The following PLEKHH2 variants were observed in gnomAD, a reference collection of about 807,000 sequenced individuals.
PLEKHH2 encodes the protein pleckstrin homology, MyTH4 and FERM domain containing H2, also known as pleckstrin homology domain-containing family H member 2.
Under a neutral mutation model 187.9 loss-of-function variants are expected in PLEKHH2, and 129 were observed. The observed-to-expected ratio is 0.69, with a 90% CI of 0.59 to 0.79. PLEKHH2 has a LOEUF of 0.79. PLEKHH2 is among the 30% of genes least tolerant of loss of function. PLEKHH2 has a pLI of 0.00. For missense variants in PLEKHH2, 2,076 were observed against 1,751.2 expected (o/e 1.19, Z -3.31); for synonymous variants, 686 against 605.6 (o/e 1.13, Z -1.95).
At chr2:43,757,322 T>G in intron 26 of PLEKHH2, 58 bp downstream of exon 26, 3 of 1,295,556 alleles carry the variant, frequency 2.3e-6, no homozygotes, top group Non-Finnish European at 3.0e-6. Context: ...TTTGGTAATA[T>G]TTTTGTGTTC....
chr2:43,680,202 A>G (rs778920295), intron 3 of PLEKHH2, among the ~76,000 whole-genome samples: 4 of 152,230 alleles, frequency 2.6e-5, no homozygotes, highest in Non-Finnish European at 5.9e-5. Flanking sequence ...ATGGTTAACT[A>G]TAATTTATTG....
intron 1 of PLEKHH2, among the ~76,000 whole-genome samples, chr2:43,641,433 G>T (rs897579860): frequency 6.6e-6 from 1 of 152,020 alleles, no homozygotes; most frequent in African/African-American, 2.4e-5. Context: ...GGCAGCCCAG[G>T]ATGGCTTTGA....
intron 2 of PLEKHH2, among the ~76,000 whole-genome samples, chr2:43,668,092 G>T (rs1038575281): frequency 2.0e-5 from 3 of 152,120 alleles, no homozygotes; most frequent in East Asian, 1.9e-4. Context: ...GAATGCAGTG[G>T]TATGATCTCA....
At chr2:43,744,207 G>C in intron 23 of PLEKHH2, 1 of 1,032,358 alleles carries the variant, frequency 9.7e-7, no homozygotes, top group Non-Finnish European at 1.3e-6. Flanking sequence ...ATTAAAGAGA[G>C]GAAAGGTGTT....
At chr2:43,742,228 T>C (rs754265745) in intron 21 of PLEKHH2, among the ~76,000 whole-genome samples, 2 of 152,022 alleles carry the variant, frequency 1.3e-5, no homozygotes, top group African/African-American at 2.4e-5. Context: ...TCTTGAACTC[T>C]CGACCTCAGG....
intron 2 of PLEKHH2, among the ~76,000 whole-genome samples, chr2:43,659,364 CTTTTT>C (rs1051542983): frequency 6.8e-6 from 1 of 147,214 alleles, no homozygotes; most frequent in African/African-American, 2.5e-5. Flanking sequence ...TGTTTTTCTT[CTTTTT>C]TTTTTCAATT....
At chr2:43,693,960 A>G (rs1668961696) in intron 4 of PLEKHH2, among the ~76,000 whole-genome samples, 1 of 152,102 alleles carries the variant, frequency 6.6e-6, no homozygotes, top group Non-Finnish European at 1.5e-5. Flanking sequence ...ACACATTCTC[A>G]ATAGTTTTGT....
chr2:43,687,423 C>A (rs1668575690), intron 3 of PLEKHH2, among the ~76,000 whole-genome samples: 1 of 152,136 alleles, frequency 6.6e-6, no homozygotes, highest in Non-Finnish European at 1.5e-5. Flanking sequence ...GATTCCATGT[C>A]TTTGCTATTG....
At chr2:43,745,083 G>T (rs1057268120) in intron 23 of PLEKHH2, among the ~76,000 whole-genome samples, 24 of 152,030 alleles carry the variant, frequency 1.6e-4, no homozygotes, top group Non-Finnish European at 3.2e-4. Context: ...GGAGGCCAAG[G>T]CAGGCAGATC....
chr2:43,703,274 A>G (rs1669478399), intron 8 of PLEKHH2, among the ~76,000 whole-genome samples: 1 of 152,208 alleles, frequency 6.6e-6, no homozygotes, highest in African/African-American at 2.4e-5. Flanking sequence ...CCTTTTCTCA[A>G]GGGAGCAGGG....
chr2:43,675,253 G>A, intron 2 of PLEKHH2: 1 of 582,098 alleles, frequency 1.7e-6, no homozygotes, highest in Non-Finnish European at 2.8e-6. Flanking sequence ...TCTTCATACT[G>A]TTTTCTAATA....
Position 43,701,903 on chromosome 2 carries a change from A to G in PLEKHH2, c.1650+1295A>G, listed in dbSNP as rs369384402. Among the ~76,000 whole-genome samples, 393 of 151,924 alleles carry G rather than the reference A, an allele frequency of 2.6e-3. 2 individuals carry two copies. Among genetic ancestry groups the G allele is most frequent in the African/African-American group, 9.0e-3 (373 of 41,428 alleles). On this transcript the variant is annotated intron_variant, in intron 8 of 29. Coordinates refer to ENST00000282406, the MANE Select transcript of PLEKHH2 (RefSeq NM_172069.4). ...CTGCCTTAGCCTCCCAAGTAGCTGG[A>G]ACTACAGACGTTTACCACCACACCT...
chr2:43,683,631 T>C (rs186237328), intron 3 of PLEKHH2, among the ~76,000 whole-genome samples: 4 of 152,288 alleles, frequency 2.6e-5, no homozygotes, highest in Non-Finnish European at 4.4e-5. Context: ...ATACCTATGA[T>C]GTGATTTAAC....
At chr2:43,729,520 A>G in intron 17 of PLEKHH2, 117 bp from the exon 18 acceptor site, 1 of 579,824 alleles carries the variant, frequency 1.7e-6, no homozygotes, top group Non-Finnish European at 2.8e-6. Context: ...TATTATTTAA[A>G]AATTAAAGCA....
intron 2 of PLEKHH2, among the ~76,000 whole-genome samples, chr2:43,651,313 C>G (rs1187056243): frequency 2.6e-5 from 4 of 152,022 alleles, no homozygotes; most frequent in Non-Finnish European, 4.4e-5. Flanking sequence ...GTGATCCACC[C>G]GCCTCGGCCT....
chr2:43,727,463 T>C lies in PLEKHH2; in HGVS notation c.2721+1012T>C, dbSNP rs186399485. 2.9e-4 allele frequency among the ~76,000 whole-genome samples: 43 copies of C among 147,418 alleles called. No homozygotes were observed. In the East Asian group the frequency reaches 5.4e-3, roughly 19 times the overall value. ...GCAGTGTAAGAAATCAGAGTGCAAA[T>C]GGTTGATAGATTTGACTATACAAAA... On this transcript the variant is annotated intron_variant, in intron 17 of 29. Coordinates refer to ENST00000282406, the MANE Select transcript of PLEKHH2 (RefSeq NM_172069.4).
chr2:43,656,393 A>G (rs1314919065), intron 2 of PLEKHH2, among the ~76,000 whole-genome samples: 1 of 152,220 alleles, frequency 6.6e-6, no homozygotes, highest in Non-Finnish European at 1.5e-5. Flanking sequence ...TATGAGTATA[A>G]TTCTTGAAGC....
chr2:43,645,493 A>G (rs1236319719), intron 2 of PLEKHH2, among the ~76,000 whole-genome samples: 1 of 152,134 alleles, frequency 6.6e-6, no homozygotes, highest in Non-Finnish European at 1.5e-5. Flanking sequence ...TGCTGTCCCA[A>G]TGCAGTAGCC....
intron 9 of PLEKHH2, among the ~76,000 whole-genome samples, chr2:43,704,556 G>A (rs914314264): frequency 2.6e-5 from 4 of 150,976 alleles, no homozygotes; most frequent in Non-Finnish European, 4.4e-5. Context: ...CCAGCTACTC[G>A]GGAGGTTGAG....
Sources: gnomAD v4.1 joint callset for allele counts (sites outside exome capture counted in the v4.1 genomes callset) on GRCh38, gnomAD v4.1.1 for gene constraint, MANE v1.5 for transcripts, NCBI Gene and HGNC (gene_info 2026-07-23, HGNC 2026-07-21) for gene names.